CSMD1: variants seen among roughly 807,000 people sequenced by gnomAD.
CSMD1 encodes CUB and Sushi multiple domains 1, also known as CUB and sushi domain-containing protein 1.
Under a neutral mutation model 417.5 loss-of-function variants are expected in CSMD1, and 213 were observed. The observed-to-expected ratio is 0.51, with a 90% CI of 0.46 to 0.57. The LOEUF (loss-of-function observed/expected upper bound fraction) is 0.57. Among genes scored for constraint, CSMD1 ranks in the 20% least tolerant of loss-of-function variants. The pLI, the probability that CSMD1 is intolerant of heterozygous loss-of-function variation, is 0.00. For missense variants in CSMD1, 6,923 were observed against 4,529.7 expected (o/e 1.53, Z -15.17); for synonymous variants, 2,862 against 1,736.8 (o/e 1.65, Z -16.11).
intron 3 of CSMD1, among the ~76,000 whole-genome samples, chr8:4,359,019 A>G (rs1032558784): frequency 6.6e-6 from 1 of 152,196 alleles, no homozygotes; most frequent in African/African-American, 2.4e-5. Context: ...TAATATATAC[A>G]TATATGCCTA....
chr8:3,591,751 G>A (rs549423904), intron 8 of CSMD1, among the ~76,000 whole-genome samples: 1 of 150,110 alleles, frequency 6.7e-6, no homozygotes. Flanking sequence ...GATAAACGGA[G>A]AGACAGATGA....
At chr8:3,901,805 G>C (rs1807771649) in intron 5 of CSMD1, among the ~76,000 whole-genome samples, 2 of 152,140 alleles carry the variant, frequency 1.3e-5, no homozygotes, top group African/African-American at 4.8e-5. Flanking sequence ...TAAGCTCTTG[G>C]GGTGTTCACA....
chr8:3,945,178 C>CAAAAAAAA (rs138900503), intron 5 of CSMD1, among the ~76,000 whole-genome samples: 8 of 118,936 alleles, frequency 6.7e-5, no homozygotes, highest in South Asian at 2.6e-4. Context: ...ATGAGAAAGA[C>CAAAAAAAA]AAAAAAAAAA....
intron 2 of CSMD1, among the ~76,000 whole-genome samples, chr8:4,458,386 T>G (rs1160019810): frequency 6.6e-6 from 1 of 152,164 alleles, no homozygotes; most frequent in African/African-American, 2.4e-5. Context: ...AACCTAAAGT[T>G]ATTACAAGTT....
intron 7 of CSMD1, among the ~76,000 whole-genome samples, chr8:3,646,695 C>G (rs538637473): frequency 6.6e-6 from 1 of 152,240 alleles, no homozygotes; most frequent in Non-Finnish European, 1.5e-5. Flanking sequence ...CTCATTAGCC[C>G]TCCTTCTAAA....
At chr8:3,980,418 T>G (rs1585071084) in intron 5 of CSMD1, among the ~76,000 whole-genome samples, 1 of 152,154 alleles carries the variant, frequency 6.6e-6, no homozygotes, top group Non-Finnish European at 1.5e-5. Context: ...TCTTCCCACT[T>G]CTATGGTCAG....
At chr8:3,844,282 T>A (rs1476062051) in intron 5 of CSMD1, among the ~76,000 whole-genome samples, 3 of 152,110 alleles carry the variant, frequency 2.0e-5, no homozygotes, top group Admixed American at 6.6e-5. Context: ...TGATATTTAG[T>A]GAGTCAAGGA....
intron 3 of CSMD1, among the ~76,000 whole-genome samples, chr8:4,158,405 T>C (rs924698362): frequency 6.6e-6 from 1 of 152,064 alleles, no homozygotes; most frequent in Admixed American, 6.5e-5. Context: ...TCATCACTAT[T>C]GCAAAAGGAT....
intron 5 of CSMD1, among the ~76,000 whole-genome samples, chr8:3,975,342 G>C (rs746004164): frequency 6.6e-6 from 1 of 152,086 alleles, no homozygotes; most frequent in African/African-American, 2.4e-5. Flanking sequence ...TTGTGGACAT[G>C]AACTGCAATA....
chr8:4,323,376 C>G (rs9314523), intron 3 of CSMD1, among the ~76,000 whole-genome samples: 100,506 of 152,050 alleles, frequency 0.66, 34,159 homozygotes, highest in African/African-American at 0.82. Context: ...CTTTCCTGTA[C>G]AGCATGGCCT....
chr8:3,223,651 TGA>T lies in CSMD1; in HGVS notation c.4484+76_4484+77del, dbSNP rs34616472. On this transcript the variant is annotated intron_variant, in intron 28 of 69. Coordinates refer to ENST00000635120, the MANE Select transcript of CSMD1 (RefSeq NM_033225.6). ...TACCTAGATATAACATTAGAGACTA[TGA>T]GGTCATAAAAGAAGTAATTTTTAGG... 6,241 of 1,443,506 alleles carry T rather than the reference TGA, an allele frequency of 4.3e-3. 188 individuals carry two copies. In the African/African-American group the frequency reaches 0.063, roughly 15 times the overall value. 89.4% of individuals were successfully genotyped at this position (1,443,506 alleles called of 1,614,324 possible). A position where few individuals can be genotyped will look rare whatever the true frequency, so the allele number is the denominator to read the frequency against.
intron 3 of CSMD1, among the ~76,000 whole-genome samples, chr8:4,080,365 C>G (rs1241708722): frequency 6.6e-6 from 1 of 152,164 alleles, no homozygotes; most frequent in East Asian, 1.9e-4. Flanking sequence ...AAAATCTACA[C>G]AAACAGGTAT....
intron 30 of CSMD1, among the ~76,000 whole-genome samples, chr8:3,212,766 A>C (rs1210505777): frequency 6.6e-6 from 1 of 152,154 alleles, no homozygotes; most frequent in Admixed American, 6.5e-5. Context: ...GAAATAGCAG[A>C]ACACGCCAGG....
intron 3 of CSMD1, among the ~76,000 whole-genome samples, chr8:4,129,854 G>A (rs1007648758): frequency 2.0e-5 from 3 of 152,012 alleles, no homozygotes; most frequent in African/African-American, 2.4e-5. Context: ...GATGGTTCCT[G>A]CTTTTTCATA....
intron 7 of CSMD1, among the ~76,000 whole-genome samples, chr8:3,694,846 G>A (rs1317749896): frequency 1.3e-5 from 2 of 151,984 alleles, no homozygotes; most frequent in Non-Finnish European, 2.9e-5. Flanking sequence ...AGGACATGAA[G>A]CAATACCGGA....
chr8:4,242,983 T>G (rs1166624347), intron 3 of CSMD1, among the ~76,000 whole-genome samples: 1 of 152,168 alleles, frequency 6.6e-6, no homozygotes, highest in Non-Finnish European at 1.5e-5. Context: ...TTATGTGTAG[T>G]GAAGGCACTA....
Position 4,899,645 on chromosome 8 carries a change from T to C in CSMD1, c.85+94687A>G, listed in dbSNP as rs183969331. 2.3e-4 allele frequency among the ~76,000 whole-genome samples: 35 copies of C among 152,320 alleles called. No individual in the cohort carries two copies. In the East Asian group the frequency reaches 6.8e-3, roughly 29 times the overall value. ...ACATATAGGGTTTTGTCTGTAGTTT[T>C]GCAAAAATATAAGATGACCATGTCT... On this transcript the variant is annotated intron_variant, in intron 1 of 69. Coordinates refer to ENST00000635120, the MANE Select transcript of CSMD1 (RefSeq NM_033225.6).
intron 50 of CSMD1, among the ~76,000 whole-genome samples, chr8:3,044,149 G>A (rs1213740340): frequency 6.6e-6 from 1 of 152,114 alleles, no homozygotes; most frequent in Non-Finnish European, 1.5e-5. Flanking sequence ...AATATTCTAA[G>A]TATCTTTAGC....
chr8:3,493,279 G>A (rs553374158), intron 11 of CSMD1, among the ~76,000 whole-genome samples: 16 of 117,878 alleles, frequency 1.4e-4, no homozygotes, highest in African/African-American at 4.3e-4. Context: ...GGGTGATAGA[G>A]TAAGAACCTG....
Sources: gnomAD v4.1 joint callset for allele counts (sites outside exome capture counted in the v4.1 genomes callset) on GRCh38, gnomAD v4.1.1 for gene constraint, MANE v1.5 for transcripts, NCBI Gene and HGNC (gene_info 2026-07-23, HGNC 2026-07-21) for gene names.